The following DMD variants were observed in gnomAD, a reference collection of about 807,000 sequenced individuals.
DMD encodes the protein mutant dystrophin.
Under a neutral mutation model 330.1 loss-of-function variants are expected in DMD, and 63 were observed. That is an observed-to-expected ratio of 0.19 (90% CI 0.16 to 0.24). The LOEUF (loss-of-function observed/expected upper bound fraction) is 0.24. DMD is among the 10% of genes least tolerant of loss of function. The pLI is 1.00. For synonymous variants in DMD, 1,223 were observed against 959.8 expected, an observed-to-expected ratio of 1.27 and a Z score of -5.07; for missense variants, 3,344 against 2,684.1, an observed-to-expected ratio of 1.25 and a Z score of -5.43.
chrX:31,719,237 TG>T (rs2085293346), intron 52 of DMD, among the ~76,000 whole-genome samples: 1 of 112,168 alleles, frequency 8.9e-6, no homozygotes, highest in African/African-American at 3.2e-5. Flanking sequence ...AGTCTTTTTG[TG>T]TAATCAGGTA....
At chrX:31,368,203 G>A (rs2059361075) in intron 60 of DMD, among the ~76,000 whole-genome samples, 1 of 112,483 alleles carries the variant, frequency 8.9e-6, no homozygotes, top group Non-Finnish European at 1.9e-5. Context: ...TGCTTTGGCA[G>A]CAATTCTCTT....
intron 16 of DMD, among the ~76,000 whole-genome samples, chrX:32,560,865 G>A (rs2050919097): frequency 9.0e-6 from 1 of 111,700 alleles, no homozygotes; most frequent in African/African-American, 3.3e-5. Flanking sequence ...TTGATTCTAT[G>A]TCTTTGCTAT....
intron 29 of DMD, among the ~76,000 whole-genome samples, chrX:32,427,845 TA>T (rs1161267905): frequency 9.0e-6 from 1 of 111,525 alleles, no homozygotes; most frequent in African/African-American, 3.3e-5. Flanking sequence ...ATCATTTTTG[TA>T]GCAATATTCT....
At chrX:32,667,775 T>G (rs868255395) in intron 9 of DMD, among the ~76,000 whole-genome samples, 1 of 107,650 alleles carries the variant, frequency 9.3e-6, no homozygotes, top group Non-Finnish European at 1.9e-5. Flanking sequence ...GTGTTTTTTT[T>G]TTTTTTTTTT....
intron 2 of DMD, among the ~76,000 whole-genome samples, chrX:32,860,230 G>C (rs777253496): frequency 6.5e-4 from 73 of 111,936 alleles, no homozygotes; most frequent in Non-Finnish European, 1.2e-3. Context: ...GAAAGGAAAT[G>C]CATTTGTGAA....
chrX:33,096,731 C>T (rs1222437695), intron 1 of DMD, among the ~76,000 whole-genome samples: 2 of 111,747 alleles, frequency 1.8e-5, no homozygotes, highest in Admixed American at 9.5e-5. Flanking sequence ...GTCTCGAACT[C>T]CTGGCCTCAA....
intron 2 of DMD, among the ~76,000 whole-genome samples, chrX:33,010,261 AATATGTGTGTATATGTACAT>A (rs2093670518): frequency 1.9e-5 from 1 of 52,367 alleles, no homozygotes; most frequent in Non-Finnish European, 4.8e-5. Context: ...TATATGTACA[AATATGTGTGTATATGTACAT>A]ATATGTGTGT....
At chrX:32,336,978 G>C (rs1195333173) in intron 41 of DMD, among the ~76,000 whole-genome samples, 1 of 111,186 alleles carries the variant, frequency 9.0e-6, no homozygotes, top group Non-Finnish European at 1.9e-5. Flanking sequence ...GTAATGGGCA[G>C]GAGGGGCCTG....
chrX:31,740,324 A>G (rs1182294926), intron 51 of DMD, among the ~76,000 whole-genome samples: 1 of 112,111 alleles, frequency 8.9e-6, no homozygotes, highest in Admixed American at 9.5e-5. Context: ...GATAATCAAG[A>G]CAGGTTTAAG....
intron 2 of DMD, among the ~76,000 whole-genome samples, chrX:32,930,997 T>C (rs2089538305): frequency 9.3e-6 from 1 of 107,908 alleles, no homozygotes; most frequent in African/African-American, 3.3e-5. Context: ...TTATTATATA[T>C]ATTATTTTAT....
intron 1 of DMD, among the ~76,000 whole-genome samples, chrX:33,199,488 A>G (rs62590988): frequency 1.3e-3 from 142 of 111,285 alleles, no homozygotes; most frequent in Non-Finnish European, 2.2e-3. Context: ...GTGAAGAGAA[A>G]GTTCTGTTTA....
chrX:31,863,041 C>G lies in DMD; in HGVS notation c.7098+12147G>C, dbSNP rs758499222. Reference sequence around the variant, plus strand: ...GCCTGAGGCTGCCCGCACCCAGGCGCTCATTAAAACAGCATGTTGCGGCCG... The same window carrying G: ...GCCTGAGGCTGCCCGCACCCAGGCGGTCATTAAAACAGCATGTTGCGGCCG... On this transcript the variant is annotated intron_variant, in intron 48 of 78. Coordinates refer to ENST00000357033, the MANE Select transcript of DMD (RefSeq NM_004006.3). 1.4e-3 allele frequency among the ~76,000 whole-genome samples: 163 copies of G among 112,813 alleles called. 3 individuals are homozygous for G. Among genetic ancestry groups the G allele is most frequent in the African/African-American group, 5.1e-3 (158 of 31,146 alleles).
chrX:31,981,923 C>A (rs992633415), intron 44 of DMD, among the ~76,000 whole-genome samples: 1 of 111,838 alleles, frequency 8.9e-6, no homozygotes, highest in Non-Finnish European at 1.9e-5. Flanking sequence ...TGCAGATGGG[C>A]AAATGTCATC....
chrX:33,013,541 G>C (rs1034671381), intron 2 of DMD, among the ~76,000 whole-genome samples: 1 of 111,534 alleles, frequency 9.0e-6, no homozygotes, highest in African/African-American at 3.3e-5. Flanking sequence ...AGGAAGCCAG[G>C]GGCACAGGAG....
intron 9 of DMD, among the ~76,000 whole-genome samples, chrX:32,684,634 A>G (rs996467388): frequency 4.5e-5 from 5 of 111,452 alleles, no homozygotes. Context: ...AATTATCAGT[A>G]TTATCACTGT....
intron 50 of DMD, among the ~76,000 whole-genome samples, chrX:31,807,363 TACCCTA>T (rs2092322988): frequency 9.0e-6 from 1 of 111,611 alleles, no homozygotes; most frequent in Non-Finnish European, 1.9e-5. Context: ...TGGACTATGG[TACCCTA>T]TAGATTTTCC....
chrX:31,165,101 T>C (rs147063303), intron 74 of DMD, among the ~76,000 whole-genome samples: 3,877 of 111,746 alleles, frequency 0.035, 109 homozygotes, highest in South Asian at 0.17. Flanking sequence ...TGAAGATTGA[T>C]AGCTACTAGA....
intron 76 of DMD, 103 bp from the exon 77 acceptor site, chrX:31,134,297 T>G: frequency 1.6e-6 from 1 of 643,614 alleles, no homozygotes; most frequent in Non-Finnish European, 2.4e-6. Flanking sequence ...TCATTTCACT[T>G]GCTCATAAAT....
At chrX:32,739,875 C>G (rs2069008559) in intron 7 of DMD, among the ~76,000 whole-genome samples, 1 of 110,042 alleles carries the variant, frequency 9.1e-6, no homozygotes, top group African/African-American at 3.3e-5. Context: ...GGGGTGGATC[C>G]CAACACTCCC....
Sources: allele counts gnomAD v4.1 joint callset (sites outside exome capture counted in the v4.1 genomes callset), GRCh38; gene constraint gnomAD v4.1.1; transcripts MANE v1.5; gene names NCBI Gene and HGNC (gene_info 2026-07-23, HGNC 2026-07-21).